Variants in ZRANB3 observed in about 807,000 individuals in gnomAD.
ZRANB3 encodes DNA annealing helicase and endonuclease ZRANB3.
A neutral mutation model predicts 133.8 loss-of-function variants in ZRANB3; 125 were observed. That is an observed-to-expected ratio of 0.93 (90% CI 0.81 to 1.08). The LOEUF (loss-of-function observed/expected upper bound fraction) is 1.08. Ranked by LOEUF, ZRANB3 falls within the 50% of genes least tolerant of loss-of-function variation. The pLI, the probability that ZRANB3 is intolerant of heterozygous loss-of-function variation, is 0.00. For synonymous variants in ZRANB3, 387 were observed against 432.7 expected (o/e 0.89, Z 1.31); for missense variants, 1,229 against 1,275.5 (o/e 0.96, Z 0.56).
chr2:135,402,133 C>T (rs1213834552), intron 2 of ZRANB3, among the ~76,000 whole-genome samples: 1 of 151,718 alleles, frequency 6.6e-6, no homozygotes, highest in Non-Finnish European at 1.5e-5. Flanking sequence ...TTTAAGTAAA[C>T]AATGAGGCTT....
At chr2:135,228,066 A>G (rs539509031) in intron 13 of ZRANB3, 51 bp from the exon 14 acceptor site, 1 of 1,391,654 alleles carries the variant, frequency 7.2e-7, no homozygotes, top group East Asian at 2.5e-5. Context: ...ATTTAAAAGT[A>G]AAGTAAAAAG....
intron 2 of ZRANB3, among the ~76,000 whole-genome samples, chr2:135,475,949 G>A (rs1691480880): frequency 6.6e-6 from 1 of 151,960 alleles, no homozygotes; most frequent in Non-Finnish European, 1.5e-5. Context: ...ATGGTGACAG[G>A]TGCCTGTAAT....
At chr2:135,276,800 T>G (rs569637811) in intron 8 of ZRANB3, among the ~76,000 whole-genome samples, 1 of 152,294 alleles carries the variant, frequency 6.6e-6, no homozygotes, top group East Asian at 1.9e-4. Context: ...AAACTGGCTA[T>G]GGAAAGTGGA....
intron 7 of ZRANB3, among the ~76,000 whole-genome samples, chr2:135,315,120 G>T (rs1316243337): frequency 1.3e-5 from 2 of 151,888 alleles, no homozygotes; most frequent in Admixed American, 1.3e-4. Context: ...TCTTTTTTCA[G>T]CAAAAATACT....
chr2:135,404,391 A>C (rs1218792583), intron 2 of ZRANB3, among the ~76,000 whole-genome samples: 1 of 152,186 alleles, frequency 6.6e-6, no homozygotes, highest in Non-Finnish European at 1.5e-5. Flanking sequence ...CGAGAAGAGA[A>C]GTTTAGAGAA....
chr2:135,446,909 T>C (rs1000217258), intron 2 of ZRANB3, among the ~76,000 whole-genome samples: 2 of 152,192 alleles, frequency 1.3e-5, no homozygotes, highest in African/African-American at 4.8e-5. Context: ...CAATTTAATG[T>C]TTAATTTTCC....
At chr2:135,394,190 C>A (rs1395153985) in intron 2 of ZRANB3, among the ~76,000 whole-genome samples, 1 of 152,138 alleles carries the variant, frequency 6.6e-6, no homozygotes, top group Admixed American at 6.5e-5. Flanking sequence ...AGCCGAGATA[C>A]CCCCGATTTG....
chr2:135,295,523 CTT>C (rs1406168167), intron 8 of ZRANB3, among the ~76,000 whole-genome samples: 1 of 152,130 alleles, frequency 6.6e-6, no homozygotes, highest in African/African-American at 2.4e-5. Flanking sequence ...GGTCTTGACT[CTT>C]TATCCAATTT....
At chr2:135,432,945 C>T (rs2104983765) in intron 2 of ZRANB3, among the ~76,000 whole-genome samples, 1 of 152,292 alleles carries the variant, frequency 6.6e-6, no homozygotes. Flanking sequence ...GCCTGTGCCT[C>T]TGGAAAACAA....
chr2:135,232,393 G>C (rs1695070504), intron 12 of ZRANB3, among the ~76,000 whole-genome samples: 1 of 152,202 alleles, frequency 6.6e-6, no homozygotes, highest in South Asian at 2.1e-4. Flanking sequence ...ACAAAAGGCA[G>C]CAGAAACCTC....
intron 9 of ZRANB3, among the ~76,000 whole-genome samples, chr2:135,274,495 C>T (rs1484592721): frequency 2.6e-5 from 4 of 152,128 alleles, no homozygotes; most frequent in Admixed American, 1.3e-4. Context: ...AAAAGTCTAA[C>T]GTTTAACTGT....
At chr2:135,206,112 T>G (rs1009338795) in intron 19 of ZRANB3, among the ~76,000 whole-genome samples, 10 of 152,132 alleles carry the variant, frequency 6.6e-5, no homozygotes, top group Admixed American at 6.5e-4. Context: ...ATTCAACCAT[T>G]GATAGTATGA....
At chr2:135,384,579 A>C (rs1348066911) in intron 3 of ZRANB3, among the ~76,000 whole-genome samples, 2 of 152,242 alleles carry the variant, frequency 1.3e-5, no homozygotes, top group Non-Finnish European at 2.9e-5. Context: ...ATGAACATTG[A>C]TGCAAAAATC....
intron 20 of ZRANB3, 115 bp from the exon 21 acceptor site, chr2:135,200,555 C>G: frequency 1.2e-6 from 1 of 835,102 alleles, no homozygotes; most frequent in South Asian, 1.7e-5. Context: ...CACCCATTTT[C>G]CAGTGGTTGG....
At chr2:135,252,397 T>C (rs1008891978) in intron 12 of ZRANB3, among the ~76,000 whole-genome samples, 2 of 152,060 alleles carry the variant, frequency 1.3e-5, no homozygotes, top group African/African-American at 4.8e-5. Flanking sequence ...TAGAAAAAAA[T>C]CCCATGACAT....
intron 3 of ZRANB3, among the ~76,000 whole-genome samples, chr2:135,356,984 T>C (rs1685468802): frequency 6.6e-6 from 1 of 152,082 alleles, no homozygotes; most frequent in South Asian, 2.1e-4. Context: ...ATGCCCGGCC[T>C]AATAGATTAC....
chr2:135,506,870 T>C (rs1013440588), intron 1 of ZRANB3, among the ~76,000 whole-genome samples: 12 of 152,278 alleles, frequency 7.9e-5, no homozygotes, highest in African/African-American at 2.6e-4. Context: ...CAGTAGGCAA[T>C]TGAATTTAGA....
chr2:135,365,341 A>C (rs567176472), intron 3 of ZRANB3, among the ~76,000 whole-genome samples: 1 of 152,284 alleles, frequency 6.6e-6, no homozygotes, highest in Middle Eastern at 3.4e-3. Context: ...TTTATAGAAA[A>C]AGACTAATTT....
chr2:135,506,733 A>C (rs1050155335), intron 1 of ZRANB3, among the ~76,000 whole-genome samples: 3 of 152,216 alleles, frequency 2.0e-5, no homozygotes, highest in Non-Finnish European at 4.4e-5. Flanking sequence ...TGGAAGGTTT[A>C]AACAGGGGAA....
Sources: allele counts gnomAD v4.1 joint callset (sites outside exome capture counted in the v4.1 genomes callset), GRCh38; gene constraint gnomAD v4.1.1; transcripts MANE v1.5; gene names NCBI Gene and HGNC (gene_info 2026-07-23, HGNC 2026-07-21).